Variants in MAP3K13 observed in about 807,000 individuals in gnomAD.
MAP3K13 encodes the protein mitogen-activated protein kinase kinase kinase 13.
Under a neutral mutation model 104.0 loss-of-function variants are expected in MAP3K13, and 52 were observed. The observed-to-expected ratio is 0.50, with a 90% confidence interval of 0.40 to 0.63. The LOEUF (loss-of-function observed/expected upper bound fraction) is 0.63. MAP3K13 is among the 20% of genes least tolerant of loss of function. MAP3K13 has a pLI of 0.00. For missense variants in MAP3K13, 914 were observed against 1,218.5 expected (o/e 0.75, Z 3.72); for synonymous variants, 394 against 442.2 (o/e 0.89, Z 1.37).
At chr3:185,477,477 C>A in intron 12 of MAP3K13, 81 bp downstream of exon 12, 5 of 998,238 alleles carry the variant, frequency 5.0e-6, no homozygotes, top group Non-Finnish European at 7.9e-6. Flanking sequence ...GCTCTTCAAC[C>A]ACAGGTGATT....
intron 2 of MAP3K13, among the ~76,000 whole-genome samples, chr3:185,307,275 C>T (rs1372821574): frequency 6.6e-6 from 1 of 151,430 alleles, no homozygotes; most frequent in African/African-American, 2.4e-5. Context: ...ACCTCTCTGT[C>T]CTTTTCTCTC....
chr3:185,368,290 A>G (rs1031288779), intron 1 of MAP3K13, among the ~76,000 whole-genome samples: 6 of 152,236 alleles, frequency 3.9e-5, no homozygotes, highest in African/African-American at 1.4e-4. Flanking sequence ...TATATGTTAT[A>G]TCTAATTTTC....
At chr3:185,356,907 T>C (rs1378291683) in intron 2 of MAP3K13, among the ~76,000 whole-genome samples, 3 of 151,386 alleles carry the variant, frequency 2.0e-5, no homozygotes, top group African/African-American at 7.4e-5. Flanking sequence ...TGTATGTATG[T>C]ATTTATGTAT....
intron 1 of MAP3K13, among the ~76,000 whole-genome samples, chr3:185,416,581 T>C (rs1195888977): frequency 6.6e-6 from 1 of 152,092 alleles, no homozygotes; most frequent in African/African-American, 2.4e-5. Context: ...CTCAATATGA[T>C]GAAGTACATC....
Position 185,472,039 on chromosome 3 carries a change from G to A in MAP3K13, c.1644-936G>A, listed in dbSNP as rs1033784089. Among the ~76,000 whole-genome samples the A allele has an allele frequency of 5.6e-4, 85 of 152,184 alleles. No homozygotes were observed. In the Middle Eastern group the frequency reaches 0.01, roughly 18 times the overall value. On this transcript the variant is annotated intron_variant, in intron 10 of 13. Coordinates refer to ENST00000265026, the MANE Select transcript of MAP3K13 (RefSeq NM_004721.5). ...ACTTTAATTTTTCTATTAGAATTGT[G>A]TAAGCTGAGCCAAATGAGATGTCTA... is the stretch of plus-strand genomic sequence containing the variant.
At chr3:185,466,728 A>C (rs1314875156) in intron 9 of MAP3K13, 98 bp from the exon 10 acceptor site, 10 of 1,391,774 alleles carry the variant, frequency 7.2e-6, no homozygotes, top group Non-Finnish European at 9.1e-6. Flanking sequence ...AAATAGCTAA[A>C]TGTGGCAGAA....
intron 2 of MAP3K13, among the ~76,000 whole-genome samples, chr3:185,306,870 G>A (rs6444046): frequency 0.78 from 118,227 of 152,090 alleles, 46,491 homozygotes; most frequent in Non-Finnish European, 0.84. Context: ...CTAATGTCCA[G>A]GATAGTGTTT....
At chr3:185,301,621 A>G (rs977070658) in intron 2 of MAP3K13, among the ~76,000 whole-genome samples, 5 of 152,056 alleles carry the variant, frequency 3.3e-5, no homozygotes, top group African/African-American at 1.2e-4. Context: ...ATCCATTCTG[A>G]GTTCATCTTT....
At position 185,384,308 on chromosome 3, in the gene MAP3K13, C is replaced by G. The variant is rs1375476616; in HGVS notation, c.-86+20940C>G. 2.0e-5 allele frequency among the ~76,000 whole-genome samples: 3 copies of G among 147,576 alleles called. No homozygotes were observed. In the East Asian group the frequency reaches 6.0e-4, roughly 30 times the overall value. On this transcript the variant is annotated intron_variant, in intron 1 of 13. Transcript: ENST00000265026. ...TTTTATGACTAAATAGTATTCCATT[C>G]TGTGTGTGTGTGTGTGTGTGTGTGT... is the stretch of plus-strand genomic sequence containing the variant.
At chr3:185,454,462 T>TGA (rs1481526983) in intron 7 of MAP3K13, among the ~76,000 whole-genome samples, 3 of 88,732 alleles carry the variant, frequency 3.4e-5, no homozygotes, top group African/African-American at 9.2e-5. Context: ...GAGATATATA[T>TGA]GATATATATA....
intron 2 of MAP3K13, among the ~76,000 whole-genome samples, chr3:185,319,974 T>C (rs1341727620): frequency 6.6e-6 from 1 of 152,220 alleles, no homozygotes; most frequent in Non-Finnish European, 1.5e-5. Flanking sequence ...GCTGTAATTC[T>C]GTCTTCCAAG....
rs1553798321 is a variant in MAP3K13 at position 185,395,357 on chromosome 3, C to CTTTCTTTTTTTTTTTT, written c.-86+31992_-86+31993insCTTTTTTTTTTTTTTT. 8.4e-4 allele frequency among the ~76,000 whole-genome samples: 59 copies of CTTTCTTTTTTTTTTTT among 69,976 alleles called. 1 individual carries two copies. The highest frequency in any genetic ancestry group is 2.5e-3 in the African/African-American group (36 of 14,512). 45.9% of individuals were successfully genotyped at this position (69,976 alleles called of 152,430 possible). Reference sequence around the variant, plus strand: ...AGGCATTTCTAATTCAATATTATTTCTTTTTTTTTTTTTTTTTTTGAGACG... The same window carrying CTTTCTTTTTTTTTTTT: ...AGGCATTTCTAATTCAATATTATTTCTTTCTTTTTTTTTTTTTTTTTTTTTTTTTTTTTTTGAGACG... On this transcript the variant is annotated intron_variant, in intron 1 of 13. Transcript: ENST00000265026.
intron 1 of MAP3K13, among the ~76,000 whole-genome samples, chr3:185,390,781 G>A (rs936566478): frequency 1.4e-5 from 2 of 141,036 alleles, no homozygotes; most frequent in African/African-American, 5.4e-5. Flanking sequence ...CCACCACCAC[G>A]CCCAGCTAAT....
Position 185,306,060 on chromosome 3 carries a change from C to T in MAP3K13, c.-86+20417C>T, listed in dbSNP as rs1357823182. ...GGTTTTCTATCCTTGTGTTAATTCT[C>T]TTAGCATAATGGCCTCAAGCTGCAT... On this transcript the variant is annotated intron_variant, in intron 2 of 14. Transcript: ENST00000424227. 9.8e-5 allele frequency among the ~76,000 whole-genome samples: 15 copies of T among 152,332 alleles called. No individual in the cohort carries two copies. The East Asian group carries it at 2.9e-3, about 29-fold the overall frequency.
intron 10 of MAP3K13, among the ~76,000 whole-genome samples, chr3:185,472,020 A>T (rs1180063537): frequency 1.3e-5 from 2 of 152,090 alleles, no homozygotes; most frequent in Non-Finnish European, 2.9e-5. Context: ...TTCAACTTTA[A>T]TTTTTCTATT....
chr3:185,435,459 T>C (rs1338782253), intron 2 of MAP3K13, among the ~76,000 whole-genome samples: 1 of 152,242 alleles, frequency 6.6e-6, no homozygotes. Flanking sequence ...TTGTCCTCTA[T>C]AGAAACCCTA....
At chr3:185,455,773 G>C (rs1484091329) in intron 7 of MAP3K13, among the ~76,000 whole-genome samples, 1 of 86,790 alleles carries the variant, frequency 1.2e-5, no homozygotes, top group African/African-American at 4.5e-5. Flanking sequence ...ATATATATAT[G>C]ATATATATAT....
At chr3:185,459,803 G>A (rs1051357228) in intron 7 of MAP3K13, among the ~76,000 whole-genome samples, 1 of 152,124 alleles carries the variant, frequency 6.6e-6, no homozygotes, top group East Asian at 1.9e-4. Flanking sequence ...CATTCACAAT[G>A]TTGTGAAATT....
intron 7 of MAP3K13, among the ~76,000 whole-genome samples, chr3:185,462,584 A>T (rs10937218): frequency 1.3e-5 from 2 of 151,824 alleles, no homozygotes; most frequent in Non-Finnish European, 2.9e-5. Context: ...ACCAGCCTGG[A>T]CAACAAGGTG....
Sources: allele counts gnomAD v4.1 joint callset (sites outside exome capture counted in the v4.1 genomes callset), GRCh38; gene constraint gnomAD v4.1.1; transcripts MANE v1.5; gene names NCBI Gene and HGNC (gene_info 2026-07-23, HGNC 2026-07-21).